The following JAK2 variants were observed in gnomAD, a reference collection of about 807,000 sequenced individuals.
The protein encoded by JAK2 is tyrosine-protein kinase JAK2.
In JAK2, 86 loss-of-function variants were observed where a neutral mutation model predicts 139.3. That is an observed-to-expected ratio of 0.62 (90% CI 0.52 to 0.74). JAK2 has a LOEUF of 0.74. Among genes scored for constraint, JAK2 ranks in the 30% least tolerant of loss-of-function variants. The pLI, the probability that JAK2 is intolerant of heterozygous loss-of-function variation, is 0.00. For missense variants in JAK2, 1,421 were observed against 1,360.3 expected (o/e 1.04, Z -0.70); for synonymous variants, 490 against 437.7 (o/e 1.12, Z -1.49).
intron 22 of JAK2, chr9:5,108,783 T>G (rs1472984668): frequency 6.6e-6 from 1 of 152,066 alleles, no homozygotes; most frequent in Non-Finnish European, 1.5e-5. Context: ...TATTGCCTAC[T>G]CCTCTGTAAG....
intron 2 of JAK2, among the ~76,000 whole-genome samples, chr9:4,988,012 G>C (rs541720996): frequency 2.0e-5 from 3 of 152,290 alleles, no homozygotes; most frequent in African/African-American, 7.2e-5. Context: ...TGGTGAGGGA[G>C]TATTACAGCC....
intron 22 of JAK2, among the ~76,000 whole-genome samples, chr9:5,095,249 T>C (rs951257414): frequency 3.3e-5 from 5 of 152,114 alleles, no homozygotes; most frequent in South Asian, 2.1e-4. Context: ...GCTCAACTTA[T>C]TATCTCTCTT....
chr9:4,987,569 C>G (rs1346942925), intron 2 of JAK2, among the ~76,000 whole-genome samples: 1 of 151,842 alleles, frequency 6.6e-6, no homozygotes, highest in African/African-American at 2.4e-5. Flanking sequence ...AACCCCATCT[C>G]TACTAAAAAT....
At chr9:5,072,361 C>A (rs1819011848) in intron 12 of JAK2, 131 bp from the exon 13 acceptor site, 1 of 577,514 alleles carries the variant, frequency 1.7e-6, no homozygotes, top group South Asian at 3.7e-5. Context: ...AGTCTTAAAT[C>A]TGGATTTAGA....
intron 13 of JAK2, among the ~76,000 whole-genome samples, chr9:5,073,264 A>C (rs1425965876): frequency 6.6e-6 from 1 of 152,206 alleles, no homozygotes; most frequent in Non-Finnish European, 1.5e-5. Context: ...TGTTAAAACT[A>C]TGCTAGTATC....
chr9:5,082,496 G>T (rs1293798509), intron 19 of JAK2, among the ~76,000 whole-genome samples: 3 of 152,198 alleles, frequency 2.0e-5, no homozygotes, highest in Non-Finnish European at 4.4e-5. Flanking sequence ...ATGTATAATT[G>T]GGTTTTATAC....
rs138979657 is a variant in JAK2, at chr9:4,991,129, A to G, written c.-26+5107A>G. Among the ~76,000 whole-genome samples the G allele has an allele frequency of 1.4e-4, 22 of 152,288 alleles. No homozygotes were observed. In the East Asian group the frequency reaches 3.5e-3, roughly 24 times the overall value. Reference sequence around the variant, plus strand: ...TATTTGTTTCTAAAAGGAAGGAGAAATTCTTGGTCGATAACTTATAAATCT... The same window carrying G: ...TATTTGTTTCTAAAAGGAAGGAGAAGTTCTTGGTCGATAACTTATAAATCT... On this transcript the variant is annotated intron_variant, in intron 2 of 24. Transcript: ENST00000381652.
At chr9:5,082,248 G>A (rs950355302) in intron 19 of JAK2, among the ~76,000 whole-genome samples, 4 of 152,188 alleles carry the variant, frequency 2.6e-5, no homozygotes, top group East Asian at 3.9e-4. Context: ...AGAGGAATGC[G>A]GCAGGAGAGC....
chr9:4,996,612 T>A (rs1385215576), intron 2 of JAK2, among the ~76,000 whole-genome samples: 1 of 152,074 alleles, frequency 6.6e-6, no homozygotes, highest in African/African-American at 2.4e-5. Flanking sequence ...ATAGTTTTCA[T>A]TGCATCAGAT....
intron 2 of JAK2, among the ~76,000 whole-genome samples, chr9:5,015,655 T>G (rs1196703300): frequency 6.6e-6 from 1 of 152,090 alleles, no homozygotes; most frequent in African/African-American, 2.4e-5. Context: ...ATCCTATTGT[T>G]TTCTTTCTCG....
At chr9:5,064,213 G>C (rs953485131) in intron 8 of JAK2, among the ~76,000 whole-genome samples, 1 of 151,998 alleles carries the variant, frequency 6.6e-6, no homozygotes, top group Non-Finnish European at 1.5e-5. Flanking sequence ...TTAGTTTGTA[G>C]CATGAATACT....
chr9:5,076,886 G>C (rs1035817439), intron 14 of JAK2, among the ~76,000 whole-genome samples: 7 of 152,134 alleles, frequency 4.6e-5, no homozygotes, highest in Middle Eastern at 3.4e-3. Context: ...AAGGAATCCA[G>C]GATTGTTTTT....
intron 2 of JAK2, among the ~76,000 whole-genome samples, chr9:4,998,973 C>T (rs923535457): frequency 1.3e-5 from 2 of 151,500 alleles, no homozygotes; most frequent in East Asian, 3.9e-4. Flanking sequence ...AGGTGCCCGC[C>T]ACCACGCCCG....
intron 8 of JAK2, among the ~76,000 whole-genome samples, chr9:5,059,045 TTTTGTTGCCTATTTTTCTTTTTAC>T (rs1817975765): frequency 6.6e-6 from 1 of 152,208 alleles, no homozygotes; most frequent in Non-Finnish European, 1.5e-5. Flanking sequence ...CTAGTTCAAC[TTTTGTTGCCTATTTTTCTTTTTAC>T]TTTGTTGAGA....
At chr9:5,063,959 C>T (rs1358887554) in intron 8 of JAK2, among the ~76,000 whole-genome samples, 1 of 152,184 alleles carries the variant, frequency 6.6e-6, no homozygotes, top group Non-Finnish European at 1.5e-5. Flanking sequence ...AATTTGAGAC[C>T]AGCCTGGCCA....
chr9:5,093,088 G>A (rs899184693), intron 22 of JAK2, among the ~76,000 whole-genome samples: 1 of 152,108 alleles, frequency 6.6e-6, no homozygotes, highest in Non-Finnish European at 1.5e-5. Context: ...AAGCAATAAT[G>A]TTAATATAAA....
In JAK2 at chr9:5,080,581, G is replaced by A. The variant is rs754748672; in HGVS notation, c.2332G>A (p.Ala778Thr). The change falls in exon 18 of 25, where the codon GCA (alanine) becomes ACA (threonine). Residue 778 changes from alanine to threonine, a missense_variant. Transcript: ENST00000381652. ...GCATCAGCTTCCTGCACCAAAGTGGGCAGAATTAGCAAACCTTATAAATAA... is the reference window on the plus strand; with the variant it reads ...GCATCAGCTTCCTGCACCAAAGTGGACAGAATTAGCAAACCTTATAAATAA... ...DRHQLPAPKW[A>T]ELANLINNCM... 3.1e-6 allele frequency: 5 copies of A among 1,602,568 alleles called. No individual in the cohort carries two copies. The South Asian group carries it at 5.7e-5, about 18-fold the overall frequency.
chr9:5,125,085 T>C (rs1823886491), intron 23 of JAK2, among the ~76,000 whole-genome samples: 2 of 151,098 alleles, frequency 1.3e-5, no homozygotes, highest in Non-Finnish European at 3.0e-5. Flanking sequence ...CATCATAGAA[T>C]TTTTTTTAAT....
At chr9:5,106,179 T>C (rs1036495850) in intron 22 of JAK2, among the ~76,000 whole-genome samples, 8 of 151,880 alleles carry the variant, frequency 5.3e-5, no homozygotes, top group African/African-American at 1.9e-4. Flanking sequence ...AGGGCTAATA[T>C]CCAAAATCTA....
Sources: gnomAD v4.1 joint callset for allele counts (sites outside exome capture counted in the v4.1 genomes callset) on GRCh38, gnomAD v4.1.1 for gene constraint, MANE v1.5 for transcripts, NCBI Gene and HGNC (gene_info 2026-07-23, HGNC 2026-07-21) for gene names.